USP50: variants seen among roughly 807,000 people sequenced by gnomAD.
USP50 encodes ubiquitin specific peptidase 50, also known as ubiquitin carboxyl-terminal hydrolase 50.
A neutral mutation model predicts 39.2 loss-of-function variants in USP50; 37 were observed. The observed-to-expected ratio is 0.94, with a 90% CI of 0.73 to 1.24. USP50 has a LOEUF of 1.24. Ranked by LOEUF, USP50 falls within the 50% of genes most tolerant of loss-of-function variation. The probability of loss-of-function intolerance (pLI) is 0.00; values close to 1 mark genes in which losing one functional copy is unlikely to be tolerated. For synonymous variants in USP50, 139 were observed against 144.5 expected (o/e 0.96, Z 0.27); for missense variants, 374 against 398.2 (o/e 0.94, Z 0.52).
intron 6 of USP50, among the ~76,000 whole-genome samples, chr15:50,520,280 T>C (rs947543617): frequency 6.7e-6 from 1 of 150,156 alleles, no homozygotes; most frequent in Non-Finnish European, 1.5e-5. Context: ...ACTTGCACTC[T>C]AGCCTTGGGC....
At chr15:50,494,729 A>G (rs976440649) in intron 1 of USP50, among the ~76,000 whole-genome samples, 8 of 152,194 alleles carry the variant, frequency 5.3e-5, no homozygotes, top group African/African-American at 1.9e-4. Flanking sequence ...AATAAGAATT[A>G]CTTGGCTGGG....
Position 50,525,701 on chromosome 15 carries a change from A to ATATG in USP50, c.936+4095_936+4096insCATA, listed in dbSNP as rs1368789560. On this transcript the variant is annotated intron_variant, in intron 6 of 6. Transcript: ENST00000532404. The stretch of plus-strand genomic sequence containing the variant: ...ATGTATATTATATATGTATATGTAT[A>ATATG]TATATGTATATATGTATATGTATAT... 8.8e-4 allele frequency among the ~76,000 whole-genome samples: 92 copies of ATATG among 104,962 alleles called. 1 individual carries two copies. Among genetic ancestry groups the ATATG allele is most frequent in the East Asian group, 3.4e-3 (11 of 3,216 alleles). 68.9% of individuals were successfully genotyped at this position (104,962 alleles called of 152,430 possible). A position where few individuals can be genotyped will look rare whatever the true frequency, so the allele number is the denominator to read the frequency against.
At chr15:50,523,515 G>C (rs2052867160) in intron 6 of USP50, among the ~76,000 whole-genome samples, 1 of 151,820 alleles carries the variant, frequency 6.6e-6, no homozygotes, top group Non-Finnish European at 1.5e-5. Flanking sequence ...ATCCAAAAAA[G>C]AAATTAAGAA....
At chr15:50,536,944 G>T (rs1221289884) in intron 5 of USP50, among the ~76,000 whole-genome samples, 1 of 152,116 alleles carries the variant, frequency 6.6e-6, no homozygotes, top group Non-Finnish European at 1.5e-5. Flanking sequence ...TTGACAAAAT[G>T]ATTCTAAAGT....
intron 6 of USP50, chr15:50,503,364 G>C (rs1209224057): frequency 6.6e-6 from 1 of 152,260 alleles, no homozygotes; most frequent in Non-Finnish European, 1.5e-5. Flanking sequence ...ATGGTGTGTG[G>C]TTTATGCTTT....
At chr15:50,532,495 G>T (rs951524074) in intron 5 of USP50, among the ~76,000 whole-genome samples, 3 of 152,054 alleles carry the variant, frequency 2.0e-5, no homozygotes, top group African/African-American at 7.2e-5. Context: ...CCACTCATAG[G>T]ATTATGGAAC....
At chr15:50,497,347 C>A (rs896137718), downstream of USP50, 8 of 1,312,438 alleles carry the variant, frequency 6.1e-6, no homozygotes, top group Non-Finnish European at 7.1e-6. Flanking sequence ...GGGCGATTAT[C>A]TGGTTACAGT....
chr15:50,510,308 G>A (rs2052720093), intron 6 of USP50: 1 of 152,030 alleles, frequency 6.6e-6, no homozygotes, highest in African/African-American at 2.4e-5. Flanking sequence ...GTAATTCCAG[G>A]GTTGGAAAGG....
At chr15:50,540,995 A>T in intron 4 of USP50, 54 bp downstream of exon 4, 3 of 1,393,356 alleles carry the variant, frequency 2.2e-6, no homozygotes, top group Non-Finnish European at 2.0e-6. Flanking sequence ...CCCCGAGAAA[A>T]TCCGGGGCTG....
chr15:50,532,320 C>T (rs1216895054), intron 5 of USP50: 4 of 428,144 alleles, frequency 9.3e-6, no homozygotes, highest in African/African-American at 8.1e-5. Context: ...TAACCAGAGC[C>T]TAACCTGCTG....
chr15:50,497,719 CAA>C (rs1261814509), downstream of USP50: 1 of 152,090 alleles, frequency 6.6e-6, no homozygotes, highest in East Asian at 1.9e-4. Context: ...GGAATAATGA[CAA>C]GAGTTATAAA....
downstream of USP50, chr15:50,498,520 A>T: frequency 6.8e-7 from 1 of 1,464,580 alleles, no homozygotes; most frequent in South Asian, 1.6e-5. Context: ...CCTGGCTAAA[A>T]ATCTAGATGT....
At chr15:50,493,058 A>T (rs2052237524), downstream of USP50, 4 of 881,920 alleles carry the variant, frequency 4.5e-6, no homozygotes, top group Admixed American at 6.0e-5. Flanking sequence ...ATTTTCTCTT[A>T]GTTCTTGACT....
chr15:50,493,446 T>G (rs778698976), downstream of USP50: 1 of 519,028 alleles, frequency 1.9e-6, no homozygotes, highest in Admixed American at 1.9e-5. Flanking sequence ...AAGGGGAAAA[T>G]ATCTTTATCC....
In USP50 at chr15:50,525,636, G is replaced by A. The variant is rs1192274675; in HGVS notation, c.936+4161C>T. Among the ~76,000 whole-genome samples the A allele has an allele frequency of 4.5e-3, 429 of 94,796 alleles. 4 individuals are homozygous for A. The highest frequency in any genetic ancestry group is 0.018 in the African/African-American group (403 of 22,148). The allele number at this position is 94,796 out of a possible 152,430, so 62.2% of individuals were successfully genotyped here. On this transcript the variant is annotated intron_variant, in intron 6 of 6. Transcript: ENST00000532404. ...TATGTATATATGTATATGTATATAT[G>A]TATATGTGTATATGTATATGTATAT... is the stretch of plus-strand genomic sequence containing the variant.
intron 1 of USP50, among the ~76,000 whole-genome samples, chr15:50,494,517 A>G (rs1014757863): frequency 2.0e-5 from 3 of 152,230 alleles, no homozygotes; most frequent in African/African-American, 7.2e-5. Context: ...TAAAATAGTT[A>G]TTGGCGTTTG....
chr15:50,511,130 A>T (rs2052734396), intron 6 of USP50: 1 of 152,206 alleles, frequency 6.6e-6, no homozygotes, highest in Non-Finnish European at 1.5e-5. Context: ...GAATGTTTGC[A>T]AAGTTTTATT....
chr15:50,537,626 A>C (rs1596019085), intron 5 of USP50, among the ~76,000 whole-genome samples: 1 of 151,562 alleles, frequency 6.6e-6, no homozygotes, highest in East Asian at 1.9e-4. Context: ...TGGGAGACCG[A>C]GGTGGGCAGA....
chr15:50,528,051 A>G (rs959516348), intron 6 of USP50, among the ~76,000 whole-genome samples: 13 of 138,228 alleles, frequency 9.4e-5, no homozygotes, highest in African/African-American at 3.5e-4. Context: ...TAGTTTGATT[A>G]CTAAAAGAAC....
Sources: allele counts gnomAD v4.1 joint callset (sites outside exome capture counted in the v4.1 genomes callset), GRCh38; gene constraint gnomAD v4.1.1; transcripts MANE v1.5; gene names NCBI Gene and HGNC (gene_info 2026-07-23, HGNC 2026-07-21).